Variants in TECPR2 observed in about 807,000 individuals in gnomAD.
TECPR2 encodes the protein tectonin beta-propeller repeat containing 2.
TECPR2 carries 65 observed loss-of-function variants against 138.1 expected under a neutral mutation model. The ratio of observed to expected loss-of-function variants is 0.47; its 90% confidence interval spans 0.39 to 0.58. The LOEUF (loss-of-function observed/expected upper bound fraction) is 0.58, where lower values mean the gene tolerates loss of function less well. Among genes scored for constraint, TECPR2 ranks in the 20% least tolerant of loss-of-function variants. TECPR2 has a pLI of 0.00. For missense variants in TECPR2, 1,553 were observed against 1,824.5 expected (o/e 0.85, Z 2.71); for synonymous variants, 746 against 749.8 (o/e 0.99, Z 0.08).
intron 9 of TECPR2, among the ~76,000 whole-genome samples, chr14:102,435,573 T>A (rs77464077): frequency 2.0e-5 from 3 of 152,198 alleles, no homozygotes; most frequent in Admixed American, 2.0e-4. Context: ...CAGAGGACTG[T>A]CCACCTGTGG....
In TECPR2 at chr14:102,376,829, C is replaced by T. The variant is rs139815945; in HGVS notation, c.108C>T (p.Val36=). The part of the protein sequence containing the change: ...KIQKGFRSIV[V]YLTALDTNGD... The stretch of plus-strand genomic sequence containing the variant: ...AGAAGGGTTTCCGCTCTATCGTGGT[C>T]TATCTCACGGCCCTCGACACCAACG... Residue 36 remains valine (V), a synonymous_variant, in exon 2 of 20, where the codon GTC becomes GTT. Transcript: ENST00000359520. 8.1e-6 allele frequency: 13 copies of T among 1,614,214 alleles called. No individual in the cohort carries two copies. The highest frequency in any genetic ancestry group is 1.0e-5 in the Non-Finnish European group (12 of 1,180,052).
At chr14:102,416,717 C>T (rs1889033842) in intron 5 of TECPR2, among the ~76,000 whole-genome samples, 1 of 152,064 alleles carries the variant, frequency 6.6e-6, no homozygotes, top group Non-Finnish European at 1.5e-5. Context: ...GACACAGTGG[C>T]TCACGCCTGT....
chr14:102,386,324 C>T (rs186990683), intron 2 of TECPR2, among the ~76,000 whole-genome samples: 1 of 151,736 alleles, frequency 6.6e-6, no homozygotes, highest in Admixed American at 6.6e-5. Flanking sequence ...ATAAAAATTA[C>T]CCGGGTGTGG....
intron 17 of TECPR2, among the ~76,000 whole-genome samples, chr14:102,488,587 G>A (rs966449938): frequency 1.3e-5 from 2 of 151,762 alleles, no homozygotes; most frequent in Admixed American, 6.6e-5. Flanking sequence ...CAGGTGGTCC[G>A]CCTGCCTCAG....
rs79017118 is a variant in TECPR2 at position 102,408,169 on chromosome 14, C to CA, written c.349-305dup. On this transcript the variant is annotated intron_variant, in intron 3 of 19. Coordinates refer to ENST00000359520, the MANE Select transcript of TECPR2 (RefSeq NM_014844.5). The stretch of plus-strand genomic sequence containing the variant: ...AGCCTGACGGAGCGAGACTCTGTCT[C>CA]AAAAAAAAAAAAAATGCTCAGAGAA... Among the ~76,000 whole-genome samples the CA allele has an allele frequency of 0.015, 1,877 of 125,970 alleles. 7 individuals carry two copies. Among genetic ancestry groups the CA allele is most frequent in the African/African-American group, 0.018 (613 of 33,918 alleles). 82.6% of individuals were successfully genotyped at this position (125,970 alleles called of 152,430 possible). A position where few individuals can be genotyped will look rare whatever the true frequency, so the allele number is the denominator to read the frequency against.
At chr14:102,492,493 C>T (rs945878559) in intron 17 of TECPR2, among the ~76,000 whole-genome samples, 1 of 152,240 alleles carries the variant, frequency 6.6e-6, no homozygotes, top group Non-Finnish European at 1.5e-5. Context: ...GTATATTTTC[C>T]TCCAGTAATA....
rs2139805156 is a variant in TECPR2, at chr14:102,498,799, T to C, written c.*542T>C. 1 of 543,244 alleles carries C rather than the reference T, an allele frequency of 1.8e-6. No homozygotes were observed. The highest frequency in any genetic ancestry group is 3.5e-6 in the Non-Finnish European group (1 of 282,674). 33.7% of individuals were successfully genotyped at this position (543,244 alleles called of 1,614,324 possible). A position where few individuals can be genotyped will look rare whatever the true frequency, so the allele number is the denominator to read the frequency against. On this transcript the variant is annotated 3_prime_UTR_variant, in exon 20 of 20. Transcript: ENST00000359520. The stretch of plus-strand genomic sequence containing the variant: ...ATGCCAGACGCTCTGGCCAGGAAGC[T>C]GAGGCCGGGCTTGAGAGGAGAGCGC...
rs549255451 is a variant in TECPR2, at chr14:102,497,826, C to T, written c.4081+107C>T. ...AGCCGACCCCACTGGGCTCCAATCT[C>T]TCAAAGCAAGAACTGAGGGCAAAGC... On this transcript the variant is annotated intron_variant, in intron 19 of 19. Coordinates refer to ENST00000359520, the MANE Select transcript of TECPR2 (RefSeq NM_014844.5). 62 of 1,384,002 alleles carry T rather than the reference C, an allele frequency of 4.5e-5. No homozygotes were observed. The African/African-American group carries it at 7.8e-4, about 17-fold the overall frequency. 85.7% of individuals were successfully genotyped at this position (1,384,002 alleles called of 1,614,324 possible).
chr14:102,453,383 G>A (rs1408259922), intron 16 of TECPR2, among the ~76,000 whole-genome samples: 1 of 152,058 alleles, frequency 6.6e-6, no homozygotes, highest in Non-Finnish European at 1.5e-5. Context: ...AGGAGGCTGA[G>A]GCAGGAGAAT....
chr14:102,462,001 TC>T (rs1220729856), intron 16 of TECPR2, among the ~76,000 whole-genome samples: 1 of 152,236 alleles, frequency 6.6e-6, no homozygotes, highest in East Asian at 1.9e-4. Flanking sequence ...TTCACCTGTC[TC>T]TTCAATTCGG....
intron 2 of TECPR2, among the ~76,000 whole-genome samples, chr14:102,397,087 A>G (rs1384629066): frequency 2.6e-5 from 4 of 152,214 alleles, no homozygotes; most frequent in South Asian, 4.1e-4. Context: ...GGGAGAATTA[A>G]GAAGTGACTG....
At chr14:102,455,870 C>T (rs1434246028) in intron 16 of TECPR2, among the ~76,000 whole-genome samples, 1 of 152,248 alleles carries the variant, frequency 6.6e-6, no homozygotes, top group Admixed American at 6.5e-5. Flanking sequence ...GCCTCCGCCT[C>T]CCAAAGTGCT....
At chr14:102,383,494 G>A (rs1053968808) in intron 2 of TECPR2, among the ~76,000 whole-genome samples, 16 of 151,262 alleles carry the variant, frequency 1.1e-4, no homozygotes, top group Non-Finnish European at 4.4e-5. Context: ...TGCAATCTCC[G>A]CCTCCTGGGT....
At chr14:102,388,690 C>T (rs1469140560) in intron 2 of TECPR2, among the ~76,000 whole-genome samples, 1 of 149,490 alleles carries the variant, frequency 6.7e-6, no homozygotes, top group Non-Finnish European at 1.5e-5. Context: ...AGGCCGGGTG[C>T]GGTGCCTCAC....
In TECPR2 at chr14:102,475,367, G is replaced by A. The variant is rs148151435; in HGVS notation, c.3789+10078G>A. On this transcript the variant is annotated intron_variant, in intron 17 of 19. Transcript: ENST00000359520. ...GCAGGGAGGGCTGGGCTAAGGCATT[G>A]GCATCATTCTTGAAGAGTTTGAAGC... Among the ~76,000 whole-genome samples, 91 of 152,282 alleles carry A rather than the reference G, an allele frequency of 6.0e-4. 2 individuals are homozygous for A. Among genetic ancestry groups the A allele is most frequent in the African/African-American group, 2.1e-3 (88 of 41,560 alleles).
rs745954864 is a variant in TECPR2 at position 102,497,729 on chromosome 14, C to T, written c.4081+10C>T. On this transcript the variant is annotated intron_variant, in intron 19 of 19. Coordinates refer to ENST00000359520, the MANE Select transcript of TECPR2 (RefSeq NM_014844.5). ...GTGTCGTGTTTCACAGGCAGGTGCC[C>T]GGGGCCAGTGGGCTTAAGGCCCCTT... 68 of 1,596,642 alleles carry T rather than the reference C, an allele frequency of 4.3e-5. No individual in the cohort carries two copies. In the Middle Eastern group the frequency reaches 6.6e-4, roughly 16 times the overall value.
At chr14:102,400,066 G>GTTT (rs1888434785) in intron 2 of TECPR2, among the ~76,000 whole-genome samples, 1 of 133,212 alleles carries the variant, frequency 7.5e-6, no homozygotes. Context: ...TTTTTTTTTA[G>GTTT]ATGGTGTCTT....
chr14:102,456,017 G>A (rs1890269244), intron 16 of TECPR2, among the ~76,000 whole-genome samples: 3 of 152,090 alleles, frequency 2.0e-5, no homozygotes, highest in South Asian at 4.1e-4. Context: ...TCCTCCCAAC[G>A]TGCTGGGATT....
intron 16 of TECPR2, among the ~76,000 whole-genome samples, chr14:102,458,244 C>T (rs1890321665): frequency 6.6e-6 from 1 of 152,198 alleles, no homozygotes; most frequent in Non-Finnish European, 1.5e-5. Context: ...TCCTGGCCAT[C>T]TACCCGAGGA....
Sources: allele counts gnomAD v4.1 joint callset (sites outside exome capture counted in the v4.1 genomes callset), GRCh38; gene constraint gnomAD v4.1.1; transcripts MANE v1.5; gene names NCBI Gene and HGNC (gene_info 2026-07-23, HGNC 2026-07-21).